The following FXYD6 variants were observed in gnomAD, a reference collection of about 807,000 sequenced individuals.
The protein encoded by FXYD6 is FXYD domain-containing ion transport regulator 6.
A neutral mutation model predicts 16.7 loss-of-function variants in FXYD6; 7 were observed. The ratio of observed to expected loss-of-function variants is 0.42; its 90% CI spans 0.24 to 0.79. The LOEUF (loss-of-function observed/expected upper bound fraction) is 0.79. Among genes scored for constraint, FXYD6 ranks in the 30% least tolerant of loss-of-function variants. The pLI is 0.28. For missense variants in FXYD6, 111 were observed against 116.2 expected, an observed-to-expected ratio of 0.95 and a Z score of 0.21; for synonymous variants, 49 against 43.0, an observed-to-expected ratio of 1.14 and a Z score of -0.54.
intron 2 of FXYD6, 193 bp from the exon 3 acceptor site, chr11:117,842,221 G>GGTCAGTGAAGGCATC: frequency 1.4e-6 from 1 of 698,658 alleles, no homozygotes; most frequent in South Asian, 1.9e-5. Flanking sequence ...TAAGGGCCGA[G>GGTCAGTGAAGGCATC]GTCAGTGAAG....
chr11:117,874,491 G>A (rs529701272), intron 1 of FXYD6, among the ~76,000 whole-genome samples: 4 of 152,326 alleles, frequency 2.6e-5, no homozygotes, highest in South Asian at 2.1e-4. Context: ...CCCAGGCAAC[G>A]GCGGGTAGCC....
At chr11:117,864,975 C>G (rs115346492) in intron 1 of FXYD6, among the ~76,000 whole-genome samples, 43 of 152,266 alleles carry the variant, frequency 2.8e-4, no homozygotes, top group African/African-American at 1.0e-3. Flanking sequence ...GAAATATTTT[C>G]AAATCATACA....
chr11:117,860,355 G>C (rs6589629), intron 1 of FXYD6, among the ~76,000 whole-genome samples: 72,884 of 152,022 alleles, frequency 0.48, 18,245 homozygotes, highest in East Asian at 0.73. Flanking sequence ...AGTCCAGCAG[G>C]CTGAGGCAGC....
At chr11:117,842,933 G>A (rs2056387470) in intron 1 of FXYD6, 152 bp from the exon 2 acceptor site, 3 of 742,972 alleles carry the variant, frequency 4.0e-6, no homozygotes, top group African/African-American at 1.9e-5. Context: ...AGCACAAGCA[G>A]TTGACTTTTT....
intron 1 of FXYD6, among the ~76,000 whole-genome samples, chr11:117,873,776 C>T (rs768102558): frequency 1.3e-5 from 2 of 152,100 alleles, no homozygotes; most frequent in Non-Finnish European, 1.5e-5. Context: ...CCGAGGCTGT[C>T]GGGAAATTTC....
At chr11:117,838,390 C>T (rs1263117641) in intron 7 of FXYD6, 113 bp from the exon 8 acceptor site, 8 of 686,734 alleles carry the variant, frequency 1.2e-5, no homozygotes, top group East Asian at 5.4e-5. Flanking sequence ...ATGACAGCCT[C>T]GTCTGAGACG....
chr11:117,841,045 G>A, intron 5 of FXYD6, 103 bp downstream of exon 5: 2 of 1,474,130 alleles, frequency 1.4e-6, no homozygotes, highest in Non-Finnish European at 1.9e-6. Context: ...CTGCCTCCGA[G>A]ACAAGAATCC....
chr11:117,858,686 TC>T (rs1367454094), intron 1 of FXYD6, among the ~76,000 whole-genome samples: 35 of 89,546 alleles, frequency 3.9e-4, no homozygotes, highest in African/African-American at 1.7e-3. Flanking sequence ...TTTCTTTCTT[TC>T]TTTCTTTCTT....
chr11:117,844,231 A>G (rs2056422162), intron 1 of FXYD6: 1 of 152,406 alleles, frequency 6.6e-6, no homozygotes, highest in Non-Finnish European at 1.5e-5. Context: ...CCTTTATCAA[A>G]AGGTGGTAAT....
chr11:117,861,686 G>C (rs1457726054), intron 1 of FXYD6, among the ~76,000 whole-genome samples: 1 of 152,202 alleles, frequency 6.6e-6, no homozygotes, highest in African/African-American at 2.4e-5. Context: ...AAAATGGAAA[G>C]ATAAACAGAG....
At chr11:117,858,723 CCCTTCCTT>C (rs761682132) in intron 1 of FXYD6, among the ~76,000 whole-genome samples, 448 of 41,218 alleles carry the variant, frequency 0.011, 9 homozygotes, top group African/African-American at 0.032. Context: ...CTCCTTCCTT[CCCTTCCTT>C]CCTTCCTTCC....
rs759910324 is a variant in FXYD6 at position 117,840,307 on chromosome 11, A to G, written c.259+12T>C. The G allele has an allele frequency of 1.2e-6, 2 of 1,614,008 alleles. No individual in the cohort carries two copies. The highest frequency in any genetic ancestry group is 1.7e-6 in the Non-Finnish European group (2 of 1,180,016). On this transcript the variant is annotated intron_variant, in intron 6 of 7. Transcript: ENST00000526014. ...CTCTTTTCCACCTGGGCAGGTGGTC[A>G]CGGACAGTTACCATTGGCGGTGATG...
At chr11:117,845,932 CA>C (rs2056456568) in intron 1 of FXYD6, among the ~76,000 whole-genome samples, 1 of 152,154 alleles carries the variant, frequency 6.6e-6, no homozygotes, top group South Asian at 2.1e-4. Flanking sequence ...GCAGTTTGAA[CA>C]GTTATGTTCT....
chr11:117,862,182 G>A (rs976808732), intron 1 of FXYD6, among the ~76,000 whole-genome samples: 4 of 152,244 alleles, frequency 2.6e-5, no homozygotes, highest in Non-Finnish European at 4.4e-5. Flanking sequence ...CCAAGTCCCC[G>A]CAGAAACTGA....
chr11:117,842,755 G>A lies in FXYD6; in HGVS notation c.22C>T (p.Leu8Phe). The A allele has an allele frequency of 6.4e-7, 1 of 1,569,224 alleles. No homozygotes were observed. The highest frequency in any genetic ancestry group is 1.2e-5 in the South Asian group (1 of 85,070). ...ACCATGGGGGCCAGCAGGCTGCAGA[G>A]GAAGACCAGCACCAACTCCATGGCG... is the stretch of plus-strand genomic sequence containing the variant. MELVLVF[L>F]CSLLAPMVLA... Residue 8 changes from leucine (L) to phenylalanine (F), a missense_variant, in exon 2 of 8, where the codon CTC becomes TTC. Coordinates refer to ENST00000526014, the MANE Select transcript of FXYD6 (RefSeq NM_022003.4).
intron 1 of FXYD6, among the ~76,000 whole-genome samples, chr11:117,859,223 C>A (rs1280114932): frequency 6.6e-6 from 1 of 152,250 alleles, no homozygotes; most frequent in Non-Finnish European, 1.5e-5. Flanking sequence ...CAGCCACACC[C>A]AGTTCGGCAG....
chr11:117,864,806 C>T (rs1262023709), intron 1 of FXYD6, among the ~76,000 whole-genome samples: 1 of 152,102 alleles, frequency 6.6e-6, no homozygotes. Flanking sequence ...AGGCTGGTCT[C>T]GAACTCCTGA....
At chr11:117,849,388 G>A (rs545348569) in intron 1 of FXYD6, among the ~76,000 whole-genome samples, 1 of 152,300 alleles carries the variant, frequency 6.6e-6, no homozygotes, top group South Asian at 2.1e-4. Flanking sequence ...GCCTTGAAAC[G>A]TGTTGAGACT....
chr11:117,862,067 C>T (rs910677981), intron 1 of FXYD6, among the ~76,000 whole-genome samples: 9 of 152,068 alleles, frequency 5.9e-5, no homozygotes, highest in Non-Finnish European at 5.9e-5. Flanking sequence ...AGAGAAAACC[C>T]GGAGGAGGAG....
Sources: gnomAD v4.1 joint callset for allele counts (sites outside exome capture counted in the v4.1 genomes callset) on GRCh38, gnomAD v4.1.1 for gene constraint, MANE v1.5 for transcripts, NCBI Gene and HGNC (gene_info 2026-07-23, HGNC 2026-07-21) for gene names.